Variants in NINL observed in about 807,000 individuals in gnomAD.
NINL encodes ninein like, also known as ninein-like protein.
In NINL, 153 loss-of-function variants were observed where a neutral mutation model predicts 160.3. The observed-to-expected ratio is 0.95, with a 90% CI of 0.84 to 1.09. NINL has a LOEUF of 1.09. Ranked by LOEUF, NINL falls within the 50% of genes least tolerant of loss-of-function variation. The probability of loss-of-function intolerance (pLI) is 0.00; values close to 1 mark genes in which losing one functional copy is unlikely to be tolerated. For synonymous variants in NINL, 800 were observed against 734.8 expected (o/e 1.09, Z -1.43); for missense variants, 1,829 against 1,764.0 (o/e 1.04, Z -0.66).
chr20:25,530,549 C>G (rs958837796), intron 1 of NINL, among the ~76,000 whole-genome samples: 8 of 151,994 alleles, frequency 5.3e-5, no homozygotes, highest in African/African-American at 1.9e-4. Flanking sequence ...AAAATTCACC[C>G]CCGATATTTC....
At chr20:25,557,825 T>C (rs2064886277) in intron 1 of NINL, among the ~76,000 whole-genome samples, 1 of 152,040 alleles carries the variant, frequency 6.6e-6, no homozygotes, top group Non-Finnish European at 1.5e-5. Context: ...ATTATCCACT[T>C]TGTTCAAAGA....
chr20:25,557,060 C>T (rs2064875161), intron 1 of NINL, among the ~76,000 whole-genome samples: 1 of 152,166 alleles, frequency 6.6e-6, no homozygotes, highest in African/African-American at 2.4e-5. Context: ...AACTGCATTG[C>T]ACAACTCTGC....
intron 18 of NINL, among the ~76,000 whole-genome samples, chr20:25,468,538 T>A (rs378240): frequency 2.6e-4 from 13 of 49,320 alleles, no homozygotes; most frequent in African/African-American, 5.1e-4. Flanking sequence ...CCCTGCCCTG[T>A]CCCCCGACTC....
At chr20:25,536,760 A>C (rs534414576) in intron 1 of NINL, among the ~76,000 whole-genome samples, 2 of 7,978 alleles carry the variant, frequency 2.5e-4, no homozygotes, top group South Asian at 9.6e-3. Context: ...AGACAACATC[A>C]GCCCATAAAG....
intron 1 of NINL, among the ~76,000 whole-genome samples, chr20:25,575,841 C>T (rs1453411082): frequency 6.6e-6 from 1 of 152,096 alleles, no homozygotes; most frequent in South Asian, 2.1e-4. Context: ...CACCTGTTTC[C>T]ACTTTTCCCC....
intron 1 of NINL, among the ~76,000 whole-genome samples, chr20:25,585,103 GC>G (rs953323955): frequency 1.3e-5 from 2 of 152,134 alleles, no homozygotes; most frequent in Non-Finnish European, 2.9e-5. Flanking sequence ...ACCACGGGGG[GC>G]CCCGGCCAAG....
intron 7 of NINL, among the ~76,000 whole-genome samples, chr20:25,502,776 G>T (rs967194438): frequency 1.3e-5 from 2 of 152,084 alleles, no homozygotes; most frequent in African/African-American, 4.8e-5. Flanking sequence ...CTGGCCATGT[G>T]ACCTGCCTGC....
At position 25,477,043 on chromosome 20, in the gene NINL, C is replaced by A. The variant is rs149090993; in HGVS notation, c.2248G>T (p.Ala750Ser). Residue 750 changes from alanine (A) to serine (S), a missense_variant, in exon 17 of 24, where the codon GCC becomes TCC. Coordinates refer to ENST00000278886, the MANE Select transcript of NINL (RefSeq NM_025176.6). ...ELSGELSGLG[A>S]LPARRDLTLE... ...GTCAGGTCTCTGCGAGCGGGCAGGG[C>A]TCCCAGCCCCGACAGCTCTCCACTC... The A allele has an allele frequency of 8.2e-4, 1,311 of 1,598,670 alleles. 4 individuals are homozygous for A. The highest frequency in any genetic ancestry group is 1.0e-3 in the Admixed American group (61 of 59,964).
intron 17 of NINL, among the ~76,000 whole-genome samples, chr20:25,472,366 T>TATATAC (rs35451260): frequency 2.4e-5 from 3 of 125,858 alleles, no homozygotes; most frequent in Non-Finnish European, 3.4e-5. Context: ...TATATATATA[T>TATATAC]ACTTTTTTTT....
chr20:25,494,790 G>A (rs116574934), intron 10 of NINL, among the ~76,000 whole-genome samples: 1,908 of 152,306 alleles, frequency 0.013, 40 homozygotes, highest in African/African-American at 0.043. Flanking sequence ...AGCTGGCCCC[G>A]GACTGTGCCT....
rs142787484 is a variant in NINL at position 25,467,555 on chromosome 20, T to G, written c.3354-97A>C. 6 of 927,306 alleles carry G rather than the reference T, an allele frequency of 6.5e-6. No homozygotes were observed. The African/African-American group carries it at 9.7e-5, about 15-fold the overall frequency. The allele number at this position is 927,306 out of a possible 1,614,324, so 57.4% of individuals were successfully genotyped here. A position where few individuals can be genotyped will look rare whatever the true frequency, so the allele number is the denominator to read the frequency against. On this transcript the variant is annotated intron_variant, in intron 18 of 23. Coordinates refer to ENST00000278886, the MANE Select transcript of NINL (RefSeq NM_025176.6). Reference sequence around the variant, plus strand: ...AGGGTAAGAGCAGCATGGGGGTTTGTAGCCACAGCAGAGACGCCCACACCT... The same window carrying G: ...AGGGTAAGAGCAGCATGGGGGTTTGGAGCCACAGCAGAGACGCCCACACCT...
intron 1 of NINL, among the ~76,000 whole-genome samples, chr20:25,560,704 C>A (rs574631561): frequency 6.6e-6 from 1 of 152,170 alleles, no homozygotes; most frequent in South Asian, 2.1e-4. Flanking sequence ...TGTCTCCTTG[C>A]AAGGTATTCA....
chr20:25,462,376 C>T lies in NINL; in HGVS notation c.3582+7G>A, dbSNP rs758862403. ...CAGCTCAGCTCCCTGCGGCTGAGGC[C>T]ACCCACCTGCTGCTGCCCACTGCGA... On this transcript the variant is annotated splice_region_variant and intron_variant, in intron 20 of 23. Coordinates refer to ENST00000278886, the MANE Select transcript of NINL (RefSeq NM_025176.6). The T allele has an allele frequency of 5.8e-6, 8 of 1,384,146 alleles. No homozygotes were observed. The South Asian group carries it at 1.0e-4, about 17-fold the overall frequency. The allele number at this position is 1,384,146 out of a possible 1,614,324, so 85.7% of individuals were successfully genotyped here.
chr20:25,496,705 T>C lies in NINL; in HGVS notation c.1268A>G (p.Asp423Gly). ...RNLEFVKEMD[D>G]CHSTLEQLTE... Reference sequence around the variant, plus strand: ...GAGCTGCTCCAGGGTGGAGTGGCAGTCGTCCATCTCTTTCACAAACTCCAG... The same window carrying C: ...GAGCTGCTCCAGGGTGGAGTGGCAGCCGTCCATCTCTTTCACAAACTCCAG... The change falls in exon 10 of 24, where the codon GAC becomes GGC. Residue 423 changes from aspartate (D) to glycine (G), a missense_variant. Asp to Gly is a moderately conservative substitution (Grantham distance 94, BLOSUM62 -1). Coordinates refer to ENST00000278886, the MANE Select transcript of NINL (RefSeq NM_025176.6). The C allele has an allele frequency of 6.2e-7, 1 of 1,613,974 alleles. No homozygotes were observed. Among genetic ancestry groups the C allele is most frequent in the Non-Finnish European group, 8.5e-7 (1 of 1,179,994 alleles).
In NINL at chr20:25,453,388, G is replaced by C; in HGVS notation, c.*63C>G. The C allele has an allele frequency of 6.9e-7, 1 of 1,455,320 alleles. No homozygotes were observed. 90.2% of individuals were successfully genotyped at this position (1,455,320 alleles called of 1,614,324 possible). ...ATGGCTCATGACCCACGGAATCTAAGGCAGCACAGTGGCTTAATTTAAAAG... is the reference window on the plus strand; with the variant it reads ...ATGGCTCATGACCCACGGAATCTAACGCAGCACAGTGGCTTAATTTAAAAG... On this transcript the variant is annotated 3_prime_UTR_variant, in exon 24 of 24. Coordinates refer to ENST00000278886, the MANE Select transcript of NINL (RefSeq NM_025176.6).
At chr20:25,516,995 T>C (rs943296593) in intron 3 of NINL, among the ~76,000 whole-genome samples, 2 of 152,148 alleles carry the variant, frequency 1.3e-5, no homozygotes, top group South Asian at 2.1e-4. Context: ...ATAATGGGTA[T>C]GGTAAGTAAT....
Position 25,524,310 on chromosome 20 carries a change from G to A in NINL, c.180+2098C>T, listed in dbSNP as rs73335383. On this transcript the variant is annotated intron_variant, in intron 2 of 23. Transcript: ENST00000278886. ...GAAATGTTACAGAGAGAAGAGAAAG[G>A]ATAACGTCAGAGCAGAGTCGAGAGC... 6.5e-3 allele frequency among the ~76,000 whole-genome samples: 989 copies of A among 152,300 alleles called. 16 individuals carry two copies. Among genetic ancestry groups the A allele is most frequent in the African/African-American group, 0.023 (947 of 41,552 alleles).
intron 18 of NINL, among the ~76,000 whole-genome samples, chr20:25,469,431 G>A (rs1319469825): frequency 2.0e-5 from 3 of 147,212 alleles, no homozygotes; most frequent in South Asian, 4.4e-4. Context: ...ATTGGTGGGC[G>A]GCCCACTGCC....
Position 25,459,165 on chromosome 20 carries a change from C to T in NINL, c.3697-636G>A, listed in dbSNP as rs139886063. Among the ~76,000 whole-genome samples, 217 of 152,332 alleles carry T rather than the reference C, an allele frequency of 1.4e-3. 1 individual carries two copies. Among genetic ancestry groups the T allele is most frequent in the African/African-American group, 4.7e-3 (196 of 41,586 alleles). Reference sequence around the variant, plus strand: ...TTTGGCACCCTATAAGAACTGGCCACGCCACCCCTTACTCACCTGAGACCC... The same window carrying T: ...TTTGGCACCCTATAAGAACTGGCCATGCCACCCCTTACTCACCTGAGACCC... On this transcript the variant is annotated intron_variant, in intron 21 of 23. Transcript: ENST00000278886.
Sources: allele counts gnomAD v4.1 joint callset (sites outside exome capture counted in the v4.1 genomes callset), GRCh38; gene constraint gnomAD v4.1.1; transcripts MANE v1.5; gene names NCBI Gene and HGNC (gene_info 2026-07-23, HGNC 2026-07-21).